The following YWHAE variants were observed in gnomAD, a reference collection of about 807,000 sequenced individuals.
YWHAE encodes 14-3-3 protein epsilon.
YWHAE carries 4 observed loss-of-function variants against 30.1 expected under a neutral mutation model. That is an observed-to-expected ratio of 0.13 (90% CI 0.07 to 0.30). YWHAE has a LOEUF of 0.30. YWHAE is among the 10% of genes least tolerant of loss of function. YWHAE has a pLI of 1.00. For synonymous variants in YWHAE, 118 were observed against 111.8 expected, an observed-to-expected ratio of 1.06 and a Z score of -0.35; for missense variants, 121 against 315.9, an observed-to-expected ratio of 0.38 and a Z score of 4.68.
chr17:1,377,357 A>C (rs1001142495), intron 1 of YWHAE, among the ~76,000 whole-genome samples: 1 of 152,250 alleles, frequency 6.6e-6, no homozygotes, highest in Admixed American at 6.5e-5. Flanking sequence ...CTTTGCAACC[A>C]GAGTGCTCAC....
At chr17:1,359,764 T>C (rs575782754) in intron 4 of YWHAE, among the ~76,000 whole-genome samples, 1 of 150,788 alleles carries the variant, frequency 6.6e-6, no homozygotes, top group East Asian at 2.0e-4. Context: ...AGTTTTCAAA[T>C]AGTGGTGATT....
chr17:1,366,508 G>T (rs1017342998), intron 1 of YWHAE, among the ~76,000 whole-genome samples: 1 of 152,006 alleles, frequency 6.6e-6, no homozygotes, highest in Non-Finnish European at 1.5e-5. Flanking sequence ...TATGCCACCT[G>T]GGGCAACAGA....
At chr17:1,351,763 T>G (rs183387503) in intron 5 of YWHAE, among the ~76,000 whole-genome samples, 2 of 152,180 alleles carry the variant, frequency 1.3e-5, no homozygotes, top group African/African-American at 4.8e-5. Flanking sequence ...TTGTCACACC[T>G]GGCTGTTGTT....
chr17:1,365,526 A>T (rs2072928737), intron 1 of YWHAE, among the ~76,000 whole-genome samples: 2 of 152,354 alleles, frequency 1.3e-5, no homozygotes, highest in South Asian at 4.1e-4. Flanking sequence ...TTGGCCACCA[A>T]CAGACTTTGG....
intron 1 of YWHAE, among the ~76,000 whole-genome samples, chr17:1,365,905 C>G (rs148292241): frequency 6.6e-5 from 10 of 151,940 alleles, no homozygotes; most frequent in African/African-American, 2.4e-4. Context: ...CTCAGGAGTT[C>G]GAGACCCTGT....
In YWHAE at chr17:1,345,515, A is replaced by G; in HGVS notation, c.716-16T>C. Reference sequence around the variant, plus strand: ...TGCTCTTCACCTGTTAAAAAAGAAAAAAAGTCAATTATTTCGTATTGACTA... The same window carrying G: ...TGCTCTTCACCTGTTAAAAAAGAAAGAAAGTCAATTATTTCGTATTGACTA... On this transcript the variant is annotated splice_polypyrimidine_tract_variant and intron_variant, in intron 5 of 5. Coordinates refer to ENST00000264335, the MANE Select transcript of YWHAE (RefSeq NM_006761.5). The G allele has an allele frequency of 6.2e-7, 1 of 1,613,256 alleles. No homozygotes were observed. Among genetic ancestry groups the G allele is most frequent in the Non-Finnish European group, 8.5e-7 (1 of 1,179,786 alleles).
At chr17:1,374,943 TG>T (rs2073101103) in intron 1 of YWHAE, among the ~76,000 whole-genome samples, 1 of 152,140 alleles carries the variant, frequency 6.6e-6, no homozygotes, top group Non-Finnish European at 1.5e-5. Context: ...CTCACTACGT[TG>T]CCCTGACTGT....
At chr17:1,374,724 T>C (rs2073098452) in intron 1 of YWHAE, among the ~76,000 whole-genome samples, 1 of 152,254 alleles carries the variant, frequency 6.6e-6, no homozygotes. Flanking sequence ...CTTTTGCGTA[T>C]GTTCTCTGGA....
chr17:1,399,933 A>C, intron 1 of YWHAE, 114 bp downstream of exon 1: 1 of 1,342,724 alleles, frequency 7.4e-7, no homozygotes, highest in South Asian at 1.2e-5. Flanking sequence ...CCCGAACCCA[A>C]GCCCCCGGGC....
chr17:1,388,993 T>G (rs1258237444), intron 1 of YWHAE, among the ~76,000 whole-genome samples: 1 of 152,150 alleles, frequency 6.6e-6, no homozygotes, highest in African/African-American at 2.4e-5. Context: ...TGAGACAGGG[T>G]CTCACTATGT....
chr17:1,375,139 C>T (rs1316462061), intron 1 of YWHAE, among the ~76,000 whole-genome samples: 1 of 152,166 alleles, frequency 6.6e-6, no homozygotes, highest in Non-Finnish European at 1.5e-5. Context: ...AAACATTCTA[C>T]GACCAGTGCT....
chr17:1,357,927 C>T (rs77733477), intron 4 of YWHAE, among the ~76,000 whole-genome samples: 14,071 of 148,638 alleles, frequency 0.095, 1,023 homozygotes, highest in Admixed American at 0.25. Context: ...ACTCTCCTCT[C>T]GGGGGAAAAA....
At chr17:1,356,742 T>G (rs2072749849) in intron 4 of YWHAE, among the ~76,000 whole-genome samples, 1 of 140,638 alleles carries the variant, frequency 7.1e-6, no homozygotes, top group Non-Finnish European at 1.6e-5. Flanking sequence ...GTGGATCACC[T>G]GAGGTCAGGA....
At chr17:1,354,398 T>A in intron 4 of YWHAE, 51 bp from the exon 5 acceptor site, 1 of 1,576,182 alleles carries the variant, frequency 6.3e-7, no homozygotes, top group Non-Finnish European at 8.7e-7. Flanking sequence ...AAAATCAGAA[T>A]TAGAAATGAC....
chr17:1,374,075 T>C (rs1567972988), intron 1 of YWHAE, among the ~76,000 whole-genome samples: 2 of 152,128 alleles, frequency 1.3e-5, no homozygotes, highest in South Asian at 2.1e-4. Flanking sequence ...CCCAGCACTC[T>C]GGGAGGCAGG....
intron 1 of YWHAE, among the ~76,000 whole-genome samples, chr17:1,391,570 T>G (rs1302706720): frequency 1.3e-5 from 2 of 152,206 alleles, no homozygotes; most frequent in East Asian, 3.8e-4. Flanking sequence ...TTAATAAATT[T>G]AAATGAACAT....
chr17:1,396,524 A>T (rs896053267), intron 1 of YWHAE, among the ~76,000 whole-genome samples: 1 of 152,200 alleles, frequency 6.6e-6, no homozygotes, highest in East Asian at 1.9e-4. Flanking sequence ...CCATGAAGCC[A>T]ATCTTGATAG....
intron 2 of YWHAE, among the ~76,000 whole-genome samples, chr17:1,362,244 G>A (rs1054102728): frequency 6.6e-6 from 1 of 151,934 alleles, no homozygotes; most frequent in Admixed American, 6.6e-5. Context: ...ATGCAGGCAC[G>A]CACACACGCC....
intron 1 of YWHAE, 123 bp from the exon 2 acceptor site, chr17:1,365,181 A>C: frequency 8.9e-7 from 1 of 1,125,726 alleles, no homozygotes; most frequent in Non-Finnish European, 1.2e-6. Flanking sequence ...ATAATTTCAT[A>C]ATCATCAAAA....
Sources: allele counts gnomAD v4.1 joint callset (sites outside exome capture counted in the v4.1 genomes callset), GRCh38; gene constraint gnomAD v4.1.1; transcripts MANE v1.5; gene names NCBI Gene and HGNC (gene_info 2026-07-23, HGNC 2026-07-21).